Variants in CD247 observed in about 807,000 individuals in gnomAD.
CD247 encodes the protein T-cell surface glycoprotein CD3 zeta chain.
In CD247, 13 loss-of-function variants were observed where a neutral mutation model predicts 30.0. The observed-to-expected ratio is 0.43, with a 90% CI of 0.28 to 0.69. CD247 has a LOEUF of 0.69. CD247 is among the 30% of genes least tolerant of loss of function. The probability of loss-of-function intolerance (pLI) is 0.16; values close to 1 mark genes in which losing one functional copy is unlikely to be tolerated. For synonymous variants in CD247, 72 were observed against 80.0 expected, an observed-to-expected ratio of 0.90 and a Z score of 0.53; for missense variants, 193 against 212.6, an observed-to-expected ratio of 0.91 and a Z score of 0.57.
intron 1 of CD247, among the ~76,000 whole-genome samples, chr1:167,508,578 C>A (rs1031654133): frequency 6.6e-6 from 1 of 152,068 alleles, no homozygotes; most frequent in African/African-American, 2.4e-5. Context: ...TCATTTTGTC[C>A]AGAAAGCATT....
chr1:167,458,932 G>C (rs1161406526), intron 1 of CD247, among the ~76,000 whole-genome samples: 1 of 151,208 alleles, frequency 6.6e-6, no homozygotes, highest in Non-Finnish European at 1.5e-5. Context: ...AGACCAGCCT[G>C]GCCAACATGG....
At chr1:167,472,364 C>G (rs140418902) in intron 1 of CD247, among the ~76,000 whole-genome samples, 12 of 152,150 alleles carry the variant, frequency 7.9e-5, no homozygotes, top group Admixed American at 7.9e-4. Context: ...CCTGATAAAA[C>G]GCTCACAATA....
At chr1:167,474,131 A>T (rs1445111125) in intron 1 of CD247, among the ~76,000 whole-genome samples, 1 of 152,050 alleles carries the variant, frequency 6.6e-6, no homozygotes, top group Non-Finnish European at 1.5e-5. Context: ...TCGCAAGAGA[A>T]ATCTGCCTAA....
At chr1:167,465,797 A>C (rs2102038467) in intron 1 of CD247, among the ~76,000 whole-genome samples, 1 of 152,330 alleles carries the variant, frequency 6.6e-6, no homozygotes, top group East Asian at 1.9e-4. Context: ...GCATCTAGTC[A>C]TTTGGAGGTC....
At chr1:167,515,704 G>A (rs1655575246) in intron 1 of CD247, among the ~76,000 whole-genome samples, 1 of 152,122 alleles carries the variant, frequency 6.6e-6, no homozygotes, top group African/African-American at 2.4e-5. Flanking sequence ...TGCTGGTATG[G>A]GTGTGCCCAG....
chr1:167,507,262 T>C (rs1655183277), intron 1 of CD247, among the ~76,000 whole-genome samples: 1 of 151,198 alleles, frequency 6.6e-6, no homozygotes, highest in Non-Finnish European at 1.5e-5. Context: ...GGAATGGTGA[T>C]TGGAGAGAGA....
intron 1 of CD247, among the ~76,000 whole-genome samples, chr1:167,492,284 G>A (rs180822361): frequency 2.6e-5 from 4 of 152,152 alleles, no homozygotes; most frequent in East Asian, 1.9e-4. Flanking sequence ...CAGGAGAGCC[G>A]GAAGAGGTCA....
chr1:167,485,075 C>T (rs858558), intron 1 of CD247, among the ~76,000 whole-genome samples: 51,513 of 152,096 alleles, frequency 0.34, 9,699 homozygotes, highest in Admixed American at 0.47. Flanking sequence ...CTTCAGCACC[C>T]CCTTGTGAGG....
intron 1 of CD247, among the ~76,000 whole-genome samples, chr1:167,444,128 G>A (rs575120303): frequency 1.3e-5 from 2 of 152,236 alleles, no homozygotes; most frequent in East Asian, 3.9e-4. Flanking sequence ...TTAAATGGAG[G>A]GTAATCATAT....
intron 1 of CD247, among the ~76,000 whole-genome samples, chr1:167,474,685 C>T (rs1653671631): frequency 6.6e-6 from 1 of 151,788 alleles, no homozygotes; most frequent in South Asian, 2.1e-4. Context: ...CTTGAAGAGG[C>T]TCCCACTGGC....
At chr1:167,443,357 G>T (rs1181582000) in intron 1 of CD247, among the ~76,000 whole-genome samples, 1 of 152,246 alleles carries the variant, frequency 6.6e-6, no homozygotes, top group Admixed American at 6.5e-5. Context: ...CCCAGCCCCA[G>T]GTGTGCCTGC....
chr1:167,489,413 T>C (rs1028301557), intron 1 of CD247, among the ~76,000 whole-genome samples: 3 of 152,172 alleles, frequency 2.0e-5, no homozygotes, highest in African/African-American at 7.2e-5. Context: ...GGTGACACTC[T>C]CATTGAGATA....
chr1:167,512,059 A>G (rs1326006428), intron 1 of CD247, among the ~76,000 whole-genome samples: 1 of 152,092 alleles, frequency 6.6e-6, no homozygotes, highest in Admixed American at 6.5e-5. Context: ...CTTGAGCCTG[A>G]AAATTAGTTG....
chr1:167,449,255 C>T (rs905418389), intron 1 of CD247, among the ~76,000 whole-genome samples: 3 of 147,416 alleles, frequency 2.0e-5, no homozygotes, highest in African/African-American at 5.0e-5. Flanking sequence ...CAGGTTCAAG[C>T]GATTCTCCTG....
chr1:167,462,188 C>T (rs1356740403), intron 1 of CD247, among the ~76,000 whole-genome samples: 1 of 152,222 alleles, frequency 6.6e-6, no homozygotes, highest in Non-Finnish European at 1.5e-5. Context: ...GGAGGCTCCT[C>T]ATCCCACTCA....
At chr1:167,508,510 A>G (rs1340662351) in intron 1 of CD247, among the ~76,000 whole-genome samples, 1 of 152,200 alleles carries the variant, frequency 6.6e-6, no homozygotes, top group East Asian at 1.9e-4. Context: ...CTCTTTGCCA[A>G]CCTTTTGTAG....
At chr1:167,453,926 T>C (rs1457002261) in intron 1 of CD247, among the ~76,000 whole-genome samples, 1 of 152,098 alleles carries the variant, frequency 6.6e-6, no homozygotes, top group Admixed American at 6.6e-5. Context: ...ATCATGCCAC[T>C]ACCCTCCATC....
At chr1:167,476,204 G>A (rs1406112313) in intron 1 of CD247, among the ~76,000 whole-genome samples, 3 of 152,060 alleles carry the variant, frequency 2.0e-5, no homozygotes, top group Non-Finnish European at 4.4e-5. Flanking sequence ...GCCTTTCTTG[G>A]GCTGCTGACA....
intron 1 of CD247, among the ~76,000 whole-genome samples, chr1:167,449,226 G>C (rs1294158290): frequency 3.9e-4 from 55 of 142,372 alleles, no homozygotes; most frequent in African/African-American, 1.4e-3. Context: ...GATCTTGGCT[G>C]ACTGCAACCT....
Sources: gnomAD v4.1 joint callset for allele counts (sites outside exome capture counted in the v4.1 genomes callset) on GRCh38, gnomAD v4.1.1 for gene constraint, MANE v1.5 for transcripts, NCBI Gene and HGNC (gene_info 2026-07-23, HGNC 2026-07-21) for gene names.